CCDC141: variants seen among roughly 807,000 people sequenced by gnomAD.
The protein encoded by CCDC141 is coiled-coil domain-containing protein 141.
In CCDC141, 168 loss-of-function variants were observed where a neutral mutation model predicts 181.0. The ratio of observed to expected loss-of-function variants is 0.93; its 90% confidence interval spans 0.82 to 1.05. The LOEUF (loss-of-function observed/expected upper bound fraction) is 1.05, where lower values mean the gene tolerates loss of function less well. CCDC141 is among the 50% of genes least tolerant of loss of function. CCDC141 has a pLI of 0.00. For missense variants in CCDC141, 1,902 were observed against 1,788.5 expected (o/e 1.06, Z -1.14); for synonymous variants, 666 against 642.3 (o/e 1.04, Z -0.56).
intron 1 of CCDC141, among the ~76,000 whole-genome samples, chr2:179,048,213 G>T (rs528808180): frequency 1.3e-5 from 2 of 152,176 alleles, no homozygotes; most frequent in African/African-American, 4.8e-5. Context: ...TTAGAAAAAT[G>T]TATTTCTATT....
intron 13 of CCDC141, 111 bp downstream of exon 13, chr2:178,872,022 T>C: frequency 9.4e-7 from 1 of 1,065,532 alleles, no homozygotes; most frequent in Non-Finnish European, 1.3e-6. Flanking sequence ...CACACGATAT[T>C]TATCCTTTTG....
At chr2:179,000,278 T>C (rs1412873721) in intron 2 of CCDC141, among the ~76,000 whole-genome samples, 1 of 152,182 alleles carries the variant, frequency 6.6e-6, no homozygotes, top group African/African-American at 2.4e-5. Flanking sequence ...GAAACTCAAA[T>C]TTCAATGTCC....
rs113774378 is a variant in CCDC141, at chr2:178,917,706, C to A, written c.1092+1007G>T. The stretch of plus-strand genomic sequence containing the variant: ...AGATCACCAGCCTCTTACACTGAGC[C>A]GTACTCAAGTGATGTGAACAGGTGA... On this transcript the variant is annotated intron_variant, in intron 7 of 23. Coordinates refer to ENST00000443758, the MANE Select transcript of CCDC141 (RefSeq NM_173648.4). Among the ~76,000 whole-genome samples, 4 of 152,164 alleles carry A rather than the reference C, an allele frequency of 2.6e-5. No homozygotes were observed. In the East Asian group the frequency reaches 7.7e-4, roughly 29 times the overall value.
chr2:178,997,900 C>G (rs1238802790), intron 2 of CCDC141, among the ~76,000 whole-genome samples: 1 of 152,126 alleles, frequency 6.6e-6, no homozygotes, highest in African/African-American at 2.4e-5. Context: ...ACCCGTCCCC[C>G]CTCAAGTGGT....
At chr2:179,005,791 T>G (rs996454983) in intron 2 of CCDC141, among the ~76,000 whole-genome samples, 4 of 152,126 alleles carry the variant, frequency 2.6e-5, no homozygotes, top group Non-Finnish European at 4.4e-5. Context: ...TGTATTTTTT[T>G]GTAGAATGGG....
At chr2:178,825,769 A>T (rs982134823), downstream of CCDC141, among the ~76,000 whole-genome samples, 8 of 151,970 alleles carry the variant, frequency 5.3e-5, no homozygotes, top group Non-Finnish European at 8.8e-5. Flanking sequence ...GTCTCTGGAG[A>T]TGCCTGATCA....
In CCDC141 at chr2:178,993,049, T is replaced by A. The variant is rs537179352; in HGVS notation, c.226-14374A>T. Among the ~76,000 whole-genome samples, 20 of 152,286 alleles carry A rather than the reference T, an allele frequency of 1.3e-4. No individual in the cohort carries two copies. The South Asian group carries it at 3.9e-3, about 30-fold the overall frequency. ...TATAAATTAGCCAGTTTCGGGTATG[T>A]CTTTATTAGGAGCATGAGAACAGAC... On this transcript the variant is annotated intron_variant, in intron 2 of 23. Coordinates refer to ENST00000443758, the MANE Select transcript of CCDC141 (RefSeq NM_173648.4).
chr2:178,962,927 A>G (rs1690470417), intron 4 of CCDC141, among the ~76,000 whole-genome samples: 2 of 152,054 alleles, frequency 1.3e-5, no homozygotes, highest in Admixed American at 6.6e-5. Flanking sequence ...CGTTATCTTT[A>G]CCGTACTCAT....
At chr2:178,838,165 A>G (rs1684570091) in intron 22 of CCDC141, among the ~76,000 whole-genome samples, 1 of 152,198 alleles carries the variant, frequency 6.6e-6, no homozygotes, top group Non-Finnish European at 1.5e-5. Flanking sequence ...CTCCCTTGTT[A>G]GGTGATTCCT....
Position 178,837,483 on chromosome 2 carries a change from T to G in CCDC141, c.3736A>C (p.Ile1246Leu). 1 of 1,614,066 alleles carries G rather than the reference T, an allele frequency of 6.2e-7. No individual in the cohort carries two copies. The highest frequency in any genetic ancestry group is 8.5e-7 in the Non-Finnish European group (1 of 1,179,980). ...EPVSSSLSLH[I>L]SSYGVQAGTS... ...CCAGCCTGCACCCCATAGCTGCTTA[T>G]GTGAAGGCTGAGGGAGGAGCTGACA... The change falls in exon 23 of 24, where the codon ATA becomes CTA. Residue 1246 changes from isoleucine to leucine, a missense_variant. Ile to Leu is a conservative substitution (Grantham distance 5, BLOSUM62 2). Transcript: ENST00000443758.
At chr2:178,923,880 A>G (rs1304821530) in intron 6 of CCDC141, among the ~76,000 whole-genome samples, 8 of 152,230 alleles carry the variant, frequency 5.3e-5, no homozygotes, top group Admixed American at 1.3e-4. Flanking sequence ...TAGTGCTGAC[A>G]GACAAGAAGG....
chr2:178,936,779 G>A (rs1352574603), intron 6 of CCDC141, among the ~76,000 whole-genome samples: 2 of 152,000 alleles, frequency 1.3e-5, no homozygotes, highest in African/African-American at 4.8e-5. Flanking sequence ...TTTGGGCAGT[G>A]TTCCCTAATT....
intron 5 of CCDC141, among the ~76,000 whole-genome samples, chr2:178,947,752 G>A (rs1237658337): frequency 6.6e-6 from 1 of 152,170 alleles, no homozygotes; most frequent in East Asian, 1.9e-4. Flanking sequence ...GGGTGGCAGG[G>A]AAACCTGCAC....
At chr2:178,926,058 CTGT>C (rs964064247) in intron 6 of CCDC141, among the ~76,000 whole-genome samples, 2 of 151,954 alleles carry the variant, frequency 1.3e-5, no homozygotes, top group Non-Finnish European at 2.9e-5. Context: ...ATCTGATTGG[CTGT>C]TATTATCTCC....
rs759875710 is a variant in CCDC141, at chr2:178,869,248, C to T, written c.2263G>A (p.Gly755Arg). The T allele has an allele frequency of 1.9e-6, 3 of 1,613,494 alleles. No homozygotes were observed. Among genetic ancestry groups the T allele is most frequent in the Non-Finnish European group, 2.5e-6 (3 of 1,179,732 alleles). ...TGAGACTTTTCTTTTACAGGGGCTC[C>T]TCTGCCAGTTAACTCCTCTGATTCT... ...MKESEELTGR[G>R]APVKEKSQQL... The change falls in exon 15 of 24, where the codon GGA (glycine) becomes AGA (arginine). Residue 755 changes from glycine to arginine, a missense_variant. Gly to Arg is a moderately radical substitution (Grantham distance 125). Coordinates refer to ENST00000443758, the MANE Select transcript of CCDC141 (RefSeq NM_173648.4).
chr2:178,862,858 G>A (rs889846924), intron 17 of CCDC141, among the ~76,000 whole-genome samples: 12 of 152,150 alleles, frequency 7.9e-5, no homozygotes, highest in African/African-American at 2.9e-4. Context: ...GAGGTATTGA[G>A]TTCTTTTCTA....
At chr2:178,846,990 T>C (rs540753345) in intron 21 of CCDC141, among the ~76,000 whole-genome samples, 1 of 152,296 alleles carries the variant, frequency 6.6e-6, no homozygotes, top group Middle Eastern at 3.4e-3. Context: ...ACATAAAAAA[T>C]AGACATTTGC....
At chr2:178,994,478 T>G (rs67350921) in intron 2 of CCDC141, among the ~76,000 whole-genome samples, 2 of 152,168 alleles carry the variant, frequency 1.3e-5, no homozygotes, top group Non-Finnish European at 1.5e-5. Flanking sequence ...ACACAGCACA[T>G]TGACCCTGGG....
downstream of CCDC141, among the ~76,000 whole-genome samples, chr2:178,828,004 A>G (rs1021570718): frequency 2.0e-5 from 3 of 151,254 alleles, no homozygotes; most frequent in African/African-American, 4.9e-5. Flanking sequence ...CATTACTCCA[A>G]TCTCTGCCTC....
Sources: gnomAD v4.1 joint callset for allele counts (sites outside exome capture counted in the v4.1 genomes callset) on GRCh38, gnomAD v4.1.1 for gene constraint, MANE v1.5 for transcripts, NCBI Gene and HGNC (gene_info 2026-07-23, HGNC 2026-07-21) for gene names.